Variants in CACNA1I observed in about 807,000 individuals in gnomAD.
CACNA1I encodes calcium voltage-gated channel subunit alpha1 I, also known as voltage-dependent T-type calcium channel subunit alpha-1I.
Under a neutral mutation model 201.6 loss-of-function variants are expected in CACNA1I, and 74 were observed. The ratio of observed to expected loss-of-function variants is 0.37; its 90% CI spans 0.30 to 0.45. The LOEUF (loss-of-function observed/expected upper bound fraction) is 0.45. CACNA1I is among the 20% of genes least tolerant of loss of function. The pLI is 1.00. For missense variants in CACNA1I, 2,346 were observed against 3,138.1 expected (o/e 0.75, Z 6.03); for synonymous variants, 1,431 against 1,345.2 (o/e 1.06, Z -1.40).
rs1934554975 is a variant in CACNA1I at position 39,648,418 on chromosome 22, C to G, written c.1567+492C>G. Reference sequence around the variant, plus strand: ...GCCCCCTCTCCTGGCACTCTTGCCCCCTTGCCCCTGGGCCTCCCCTCTGCC... The same window carrying G: ...GCCCCCTCTCCTGGCACTCTTGCCCGCTTGCCCCTGGGCCTCCCCTCTGCC... On this transcript the variant is annotated intron_variant, in intron 9 of 36. Transcript: ENST00000402142. This position sits in a 1 kb window ranked among gnomAD's most constrained non-coding sequence, Gnocchi z 5.4. 6.6e-6 allele frequency among the ~76,000 whole-genome samples: 1 copy of G among 152,144 alleles called. No homozygotes were observed. The highest frequency in any genetic ancestry group is 1.5e-5 in the Non-Finnish European group (1 of 68,034).
intron 1 of CACNA1I, among the ~76,000 whole-genome samples, chr22:39,590,112 G>T (rs1376675838): frequency 6.6e-6 from 1 of 152,142 alleles, no homozygotes; most frequent in Non-Finnish European, 1.5e-5. Context: ...GGGCCTGCCC[G>T]GGCGCCGGGC....
rs750236418 is a variant in CACNA1I at position 39,629,996 on chromosome 22, C to A, written c.581-4569C>A. Among the ~76,000 whole-genome samples the A allele has an allele frequency of 6.6e-6, 1 of 152,190 alleles. No homozygotes were observed. The highest frequency in any genetic ancestry group is 1.5e-5 in the Non-Finnish European group (1 of 68,030). On this transcript the variant is annotated intron_variant, in intron 4 of 36. Coordinates refer to ENST00000402142, the MANE Select transcript of CACNA1I (RefSeq NM_021096.4). This position sits in a 1 kb window ranked among gnomAD's most constrained non-coding sequence, Gnocchi z 4.8. The stretch of plus-strand genomic sequence containing the variant: ...TCCAGCCCCCTGGCCCTGTCTCCTC[C>A]CCAGCCTCATCCCTGCTCAGCTTCC...
intron 1 of CACNA1I, 91 bp from the exon 2 acceptor site, chr22:39,598,060 G>A: frequency 1.4e-6 from 1 of 709,458 alleles, no homozygotes. Flanking sequence ...ATGCCTGTGT[G>A]TGTGGTGGGT....
chr22:39,609,176 G>T (rs1933309881), intron 3 of CACNA1I, among the ~76,000 whole-genome samples: 1 of 152,222 alleles, frequency 6.6e-6, no homozygotes, highest in Non-Finnish European at 1.5e-5. Context: ...CCCTGTGAGG[G>T]CTGTGGTCAG....
chr22:39,588,195 CCG>C (rs968362266), intron 1 of CACNA1I, among the ~76,000 whole-genome samples: 1 of 136,994 alleles, frequency 7.3e-6, no homozygotes, highest in Non-Finnish European at 1.5e-5. Context: ...TGCAGTGGCA[CCG>C]TCATAACTCA....
intron 2 of CACNA1I, among the ~76,000 whole-genome samples, chr22:39,599,786 C>T (rs1207281123): frequency 2.0e-5 from 3 of 152,196 alleles, no homozygotes; most frequent in Admixed American, 2.0e-4. Context: ...CGAACAAGCA[C>T]CTCTGTGTCC....
Position 39,663,852 on chromosome 22 carries a change from G to C in CACNA1I, c.3597+11G>C, listed in dbSNP as rs1935100660. ...GAGGCCGGCAGCACCGTGAGTGGCT[G>C]TAGCCTTTGGGCAGGGCAGGCGCCA... On this transcript the variant is annotated intron_variant, in intron 19 of 36. Coordinates refer to ENST00000402142, the MANE Select transcript of CACNA1I (RefSeq NM_021096.4). 1.2e-6 allele frequency: 2 copies of C among 1,613,104 alleles called. No individual in the cohort carries two copies. The highest frequency in any genetic ancestry group is 1.7e-6 in the Non-Finnish European group (2 of 1,179,764).
chr22:39,662,063 G>C lies in CACNA1I; in HGVS notation c.3000G>C (p.Ser1000=). ...ACAGCCTCAAGCACAAGCCGCCGTCGGCGGAGCATGAGTCCCTGCTCTCTG... is the reference window on the plus strand; with the variant it reads ...ACAGCCTCAAGCACAAGCCGCCGTCCGCGGAGCATGAGTCCCTGCTCTCTG... ...SWNSLKHKPP[S]AEHESLLSAE... Residue 1000 remains serine, a synonymous_variant, in exon 17 of 37, where the codon TCG becomes TCC. Coordinates refer to ENST00000402142, the MANE Select transcript of CACNA1I (RefSeq NM_021096.4). 6.4e-7 allele frequency: 1 copy of C among 1,552,268 alleles called. No homozygotes were observed. Among genetic ancestry groups the C allele is most frequent in the Non-Finnish European group, 8.7e-7 (1 of 1,153,226 alleles).
intron 5 of CACNA1I, among the ~76,000 whole-genome samples, 158 bp downstream of exon 5, chr22:39,634,882 G>A (rs1356713825): frequency 6.6e-6 from 1 of 152,010 alleles, no homozygotes; most frequent in East Asian, 1.9e-4. Context: ...ACAAGCAGAA[G>A]TGATGCCCAG....
At chr22:39,577,349 C>T (rs928126016) in intron 1 of CACNA1I, among the ~76,000 whole-genome samples, 3 of 152,224 alleles carry the variant, frequency 2.0e-5, no homozygotes, top group Admixed American at 6.5e-5. Context: ...GTCTGTGCTT[C>T]TAAGCGGCCA....
At chr22:39,596,222 A>G (rs1478881160) in intron 1 of CACNA1I, among the ~76,000 whole-genome samples, 1 of 5,316 alleles carries the variant, frequency 1.9e-4, no homozygotes, top group African/African-American at 8.6e-4. Context: ...GATGGCGGAG[A>G]GAGATGGGGG....
In CACNA1I at chr22:39,682,576, G is replaced by A. The variant is rs376455064; in HGVS notation, c.5745G>A (p.Ser1915=). 2.6e-4 allele frequency: 418 copies of A among 1,613,494 alleles called. No individual in the cohort carries two copies. Among genetic ancestry groups the A allele is most frequent in the Non-Finnish European group, 3.3e-4 (391 of 1,179,862 alleles). Residue 1915 remains serine (S), a synonymous_variant, in exon 35 of 37, where the codon TCG becomes TCA. Coordinates refer to ENST00000402142, the MANE Select transcript of CACNA1I (RefSeq NM_021096.4). ...CFFPLSSTAV[S]PDPENFLCEM... is the part of the protein sequence containing the mutation. ...TCCCCTTGTCCTCTACGGCCGTCTC[G>A]CCGGATCCAGAGAACTTCCTGTGTG...
At chr22:39,589,722 C>T (rs1395904221) in intron 1 of CACNA1I, among the ~76,000 whole-genome samples, 1 of 152,096 alleles carries the variant, frequency 6.6e-6, no homozygotes, top group Non-Finnish European at 1.5e-5. Flanking sequence ...GAACCTCAGG[C>T]CTGGAGGGCC....
At chr22:39,578,306 G>C (rs1272099728) in intron 1 of CACNA1I, among the ~76,000 whole-genome samples, 1 of 152,114 alleles carries the variant, frequency 6.6e-6, no homozygotes, top group African/African-American at 2.4e-5. Flanking sequence ...CAGGCCTCTG[G>C]ATAAAGGCCT....
chr22:39,649,545 C>G lies in CACNA1I; in HGVS notation c.1612C>G (p.Leu538Val). Residue 538 changes from leucine to valine, a missense_variant, in exon 10 of 37, where the codon CTG becomes GTG. Leu to Val is a conservative substitution (Grantham distance 32). Transcript: ENST00000402142. The surrounding 1 kb of genome is among the most constrained non-coding windows in gnomAD (Gnocchi z 7.3). ...HSPLDATPHT[L>V]VQPIPATLAS... ...CCCCCTGGATGCGACGCCCCACACC[C>G]TGGTGCAGCCCATCCCCGCCACGCT... is the stretch of plus-strand genomic sequence containing the variant. 6.4e-7 allele frequency: 1 copy of G among 1,553,658 alleles called. No homozygotes were observed. The highest frequency in any genetic ancestry group is 8.7e-7 in the Non-Finnish European group (1 of 1,148,834).
chr22:39,628,854 C>T (rs1044945363), intron 4 of CACNA1I, among the ~76,000 whole-genome samples: 6 of 152,190 alleles, frequency 3.9e-5, no homozygotes, highest in African/African-American at 1.2e-4. Flanking sequence ...CTCTTCTGGG[C>T]CACGGGCTGT....
At chr22:39,575,714 A>G (rs1569043278) in intron 1 of CACNA1I, among the ~76,000 whole-genome samples, 2 of 152,090 alleles carry the variant, frequency 1.3e-5, no homozygotes. Context: ...GGGAGCCATC[A>G]GCCTGAAACC....
At chr22:39,633,324 A>C (rs1934115375) in intron 4 of CACNA1I, among the ~76,000 whole-genome samples, 1 of 152,228 alleles carries the variant, frequency 6.6e-6, no homozygotes, top group African/African-American at 2.4e-5. Flanking sequence ...GAGATAGGAA[A>C]GTAAACAGAC....
At chr22:39,643,548 T>G (rs136822) in intron 7 of CACNA1I, 1 of 152,464 alleles carries the variant, frequency 6.6e-6, no homozygotes, top group Non-Finnish European at 1.5e-5. Context: ...AGGTGATTCA[T>G]TCCCAGGAGT....
Sources: gnomAD v4.1 joint callset for allele counts (sites outside exome capture counted in the v4.1 genomes callset) on GRCh38, gnomAD v4.1.1 for gene constraint, Gnocchi (gnomAD v3.1) non-coding constraint, MANE v1.5 for transcripts, NCBI Gene and HGNC (gene_info 2026-07-23, HGNC 2026-07-21) for gene names.